PTPRO: variants seen among roughly 807,000 people sequenced by gnomAD.
PTPRO encodes the protein receptor-type tyrosine-protein phosphatase O.
PTPRO carries 62 observed loss-of-function variants against 145.2 expected under a neutral mutation model. That is an observed-to-expected ratio of 0.43 (90% CI 0.35 to 0.53). PTPRO has a LOEUF of 0.53. Among genes scored for constraint, PTPRO ranks in the 20% least tolerant of loss-of-function variants. The pLI is 0.01. For synonymous variants in PTPRO, 565 were observed against 514.7 expected (o/e 1.10, Z -1.32); for missense variants, 1,345 against 1,482.7 (o/e 0.91, Z 1.53).
At chr12:15,414,881 T>C (rs1221572412) in intron 1 of PTPRO, among the ~76,000 whole-genome samples, 6 of 152,208 alleles carry the variant, frequency 3.9e-5, no homozygotes, top group African/African-American at 1.4e-4. Flanking sequence ...CATTCCCAAA[T>C]CTGTTCTTGA....
At chr12:15,526,043 C>G in intron 11 of PTPRO, 99 bp from the exon 12 acceptor site, 1 of 1,423,550 alleles carries the variant, frequency 7.0e-7, no homozygotes, top group Non-Finnish European at 9.9e-7. Flanking sequence ...CTGCATAGAA[C>G]AGAGAGGGAA....
At position 15,501,640 on chromosome 12, in the gene PTPRO, A is replaced by G. The variant is rs117540301; in HGVS notation, c.682A>G (p.Ile228Val). The part of the protein sequence containing the change: ...HRTAPYPPQN[I>V]SVRIVNLNKN... ...TACAGCCCCTTATCCACCTCAAAAT[A>G]TTTCCGTTCGTATCGTAAACTTGAA... The change falls in exon 5 of 27, where the codon ATT becomes GTT. Residue 228 changes from isoleucine (I) to valine (V), a missense_variant. Physicochemically the swap from Ile to Val is conservative, Grantham distance 29. Around this residue, in one of 3 missense-constraint regions of PTPRO, gnomAD observed 1,130 missense variants for 1,214.7 expected, o/e 0.93. Coordinates refer to ENST00000281171, the MANE Select transcript of PTPRO (RefSeq NM_030667.3). 3.2e-3 allele frequency: 5,146 copies of G among 1,613,752 alleles called. 11 individuals are homozygous for G. Among genetic ancestry groups the G allele is most frequent in the Non-Finnish European group, 3.4e-3 (3,996 of 1,179,706 alleles).
chr12:15,452,187 A>C (rs1207388157), intron 1 of PTPRO, among the ~76,000 whole-genome samples: 1 of 152,242 alleles, frequency 6.6e-6, no homozygotes, highest in Non-Finnish European at 1.5e-5. Flanking sequence ...ACAGAAATAC[A>C]AAAGGTCATT....
At chr12:15,413,746 C>T (rs1444133166) in intron 1 of PTPRO, among the ~76,000 whole-genome samples, 3 of 152,024 alleles carry the variant, frequency 2.0e-5, no homozygotes, top group Non-Finnish European at 2.9e-5. Context: ...GCCTGAGAGG[C>T]GGAGGTTGCA....
chr12:15,453,211 A>C (rs899046348), intron 1 of PTPRO, among the ~76,000 whole-genome samples: 4 of 152,066 alleles, frequency 2.6e-5, no homozygotes, highest in African/African-American at 7.2e-5. Flanking sequence ...GGCTGGTCTC[A>C]AACTCCTGAC....
chr12:15,573,210 T>C (rs976059935), intron 19 of PTPRO, among the ~76,000 whole-genome samples: 4 of 152,014 alleles, frequency 2.6e-5, no homozygotes, highest in South Asian at 4.2e-4. Context: ...AAAAGTTGAG[T>C]TTGCAGTTTT....
chr12:15,470,290 T>A (rs770948053), intron 1 of PTPRO, among the ~76,000 whole-genome samples: 18 of 152,212 alleles, frequency 1.2e-4, no homozygotes, highest in Non-Finnish European at 2.5e-4. Flanking sequence ...GAGTACTAGC[T>A]CCTCCACAAT....
intron 1 of PTPRO, among the ~76,000 whole-genome samples, chr12:15,372,001 G>A (rs572965204): frequency 6.6e-6 from 1 of 152,088 alleles, no homozygotes; most frequent in Admixed American, 6.6e-5. Flanking sequence ...AAATTGCCCA[G>A]TCTCAGGCAG....
At chr12:15,484,893 T>C (rs1431039210) in intron 2 of PTPRO, among the ~76,000 whole-genome samples, 1 of 152,156 alleles carries the variant, frequency 6.6e-6, no homozygotes, top group Non-Finnish European at 1.5e-5. Context: ...CTTTACTCAC[T>C]GACTTTAATA....
intron 1 of PTPRO, chr12:15,337,393 G>A (rs1434807535): frequency 6.6e-6 from 1 of 152,212 alleles, no homozygotes; most frequent in African/African-American, 2.4e-5. Flanking sequence ...ACTTCCGAGA[G>A]TGAAGGGATC....
In PTPRO at chr12:15,560,177, C is replaced by T. The variant is rs772588997; in HGVS notation, c.2628-16C>T. On this transcript the variant is annotated splice_polypyrimidine_tract_variant and intron_variant, in intron 16 of 26. Transcript: ENST00000281171. ...ACTTTTTCATCTTTCCATCTGTTGTCTATTAATGCACACAGGCGTAGGAGT... is the reference window on the plus strand; with the variant it reads ...ACTTTTTCATCTTTCCATCTGTTGTTTATTAATGCACACAGGCGTAGGAGT... The T allele has an allele frequency of 1.3e-6, 2 of 1,542,004 alleles. No homozygotes were observed. Among genetic ancestry groups the T allele is most frequent in the South Asian group, 2.2e-5 (2 of 89,598 alleles).
intron 6 of PTPRO, 121 bp downstream of exon 6, chr12:15,504,190 A>G: frequency 9.0e-7 from 1 of 1,109,676 alleles, no homozygotes; most frequent in Non-Finnish European, 1.3e-6. Context: ...AGTCTTCAAG[A>G]TCAGGAGAGG....
chr12:15,388,937 A>G (rs2136283918), intron 1 of PTPRO, among the ~76,000 whole-genome samples: 1 of 151,634 alleles, frequency 6.6e-6, no homozygotes, highest in East Asian at 1.9e-4. Flanking sequence ...AAAAAAATCT[A>G]CTCTTATTGA....
chr12:15,597,994 G>A lies in PTPRO; in HGVS notation c.*1921G>A, dbSNP rs1348974703. On this transcript the variant is annotated 3_prime_UTR_variant, in exon 27 of 27. Transcript: ENST00000281171. ...AGTACGTTTCCAACACTGCTGCTCAGAGCATACAGAAGTTTTGCATCCTGG... is the reference window on the plus strand; with the variant it reads ...AGTACGTTTCCAACACTGCTGCTCAAAGCATACAGAAGTTTTGCATCCTGG... 6.6e-6 allele frequency among the ~76,000 whole-genome samples: 1 copy of A among 152,190 alleles called. No individual in the cohort carries two copies. Among genetic ancestry groups the A allele is most frequent in the Non-Finnish European group, 1.5e-5 (1 of 68,034 alleles).
At chr12:15,409,206 A>G (rs1343689956) in intron 1 of PTPRO, among the ~76,000 whole-genome samples, 2 of 152,214 alleles carry the variant, frequency 1.3e-5, no homozygotes, top group East Asian at 3.8e-4. Flanking sequence ...AAAACAGTGT[A>G]GCTGTCTCTC....
At chr12:15,457,163 C>G (rs253800) in intron 1 of PTPRO, among the ~76,000 whole-genome samples, 136,237 of 152,194 alleles carry the variant, frequency 0.9, 62,673 homozygotes, top group East Asian at 1. Context: ...TGCATCAGTG[C>G]TTTGCTCGGG....
At chr12:15,535,052 A>G (rs1356548735) in intron 12 of PTPRO, among the ~76,000 whole-genome samples, 1 of 151,948 alleles carries the variant, frequency 6.6e-6, no homozygotes, top group African/African-American at 2.4e-5. Context: ...GAAATTAATG[A>G]CTCCCAGGCT....
chr12:15,539,306 T>C (rs183931541), intron 12 of PTPRO, among the ~76,000 whole-genome samples: 4 of 152,304 alleles, frequency 2.6e-5, no homozygotes, highest in Admixed American at 1.3e-4. Context: ...CATAAACATA[T>C]GCAAATTTTT....
chr12:15,547,246 G>T (rs907574004), intron 13 of PTPRO, among the ~76,000 whole-genome samples: 21 of 152,178 alleles, frequency 1.4e-4, no homozygotes, highest in African/African-American at 5.1e-4. Flanking sequence ...AATGAAGACT[G>T]AGAGAAGGTT....
Sources: allele counts gnomAD v4.1 joint callset (sites outside exome capture counted in the v4.1 genomes callset), GRCh38; gene constraint gnomAD v4.1.1; regional missense constraint gnomAD v4.1.1; transcripts MANE v1.5; gene names NCBI Gene and HGNC (gene_info 2026-07-23, HGNC 2026-07-21).